The following CRIM1 variants were observed in gnomAD, a reference collection of about 807,000 sequenced individuals.
The protein encoded by CRIM1 is cysteine-rich motor neuron 1 protein.
In CRIM1, 32 loss-of-function variants were observed where a neutral mutation model predicts 116.4. The ratio of observed to expected loss-of-function variants is 0.27; its 90% CI spans 0.21 to 0.37. CRIM1 has a LOEUF of 0.37. Ranked by LOEUF, CRIM1 falls within the 10% of genes least tolerant of loss-of-function variation. CRIM1 has a pLI of 1.00. For missense variants in CRIM1, 1,331 were observed against 1,354.8 expected (o/e 0.98, Z 0.28); for synonymous variants, 590 against 509.2 (o/e 1.16, Z -2.13).
intron 1 of CRIM1, among the ~76,000 whole-genome samples, chr2:36,387,775 A>T (rs764713563): frequency 1.3e-5 from 2 of 152,258 alleles, no homozygotes; most frequent in Non-Finnish European, 2.9e-5. Flanking sequence ...ATGCTGTGTG[A>T]GACTACTCAT....
In CRIM1 at chr2:36,549,077, G is replaced by C. The variant is rs992821236; in HGVS notation, c.*376G>C. 1 of 158,204 alleles carries C rather than the reference G, an allele frequency of 6.3e-6. No homozygotes were observed. Among genetic ancestry groups the C allele is most frequent in the Non-Finnish European group, 1.4e-5 (1 of 71,788 alleles). 9.8% of individuals were successfully genotyped at this position (158,204 alleles called of 1,614,324 possible). On this transcript the variant is annotated 3_prime_UTR_variant, in exon 17 of 17. Coordinates refer to ENST00000280527, the MANE Select transcript of CRIM1 (RefSeq NM_016441.3). ...CGGGGAGAAACCTGGTAACATAAAA[G>C]CAGTTCAGTGGCCCAGAGGTTATTT...
chr2:36,452,902 G>A (rs1222307220), intron 4 of CRIM1, among the ~76,000 whole-genome samples: 3 of 152,124 alleles, frequency 2.0e-5, no homozygotes, highest in Non-Finnish European at 4.4e-5. Flanking sequence ...AGTTGAAAGC[G>A]GAATCCACAG....
intron 1 of CRIM1, among the ~76,000 whole-genome samples, chr2:36,363,402 A>G (rs565246049): frequency 6.6e-6 from 1 of 152,112 alleles, no homozygotes; most frequent in Admixed American, 6.6e-5. Flanking sequence ...TAAGTGAAAC[A>G]ATTTTACTTG....
At chr2:36,544,316 A>G in intron 14 of CRIM1, 60 bp from the exon 15 acceptor site, 7 of 1,304,804 alleles carry the variant, frequency 5.4e-6, no homozygotes, top group Non-Finnish European at 6.9e-6. Flanking sequence ...GATTGAGAAT[A>G]CAAAAGCCAA....
At chr2:36,456,733 G>A (rs955530114) in intron 4 of CRIM1, among the ~76,000 whole-genome samples, 12 of 152,124 alleles carry the variant, frequency 7.9e-5, no homozygotes, top group African/African-American at 2.4e-4. Flanking sequence ...ACAGGGGCAC[G>A]GGCCCTGCGA....
rs1339565653 is a variant in CRIM1, at chr2:36,537,530, C to T, written c.2607C>T (p.Cys869=). The T allele has an allele frequency of 3.1e-6, 5 of 1,611,240 alleles. No homozygotes were observed. Among genetic ancestry groups the T allele is most frequent in the Non-Finnish European group, 4.2e-6 (5 of 1,178,896 alleles). The change falls in exon 14 of 17, where the codon TGC becomes TGT. Residue 869 remains cysteine, a synonymous_variant. Coordinates refer to ENST00000280527, the MANE Select transcript of CRIM1 (RefSeq NM_016441.3). ...AGCCCATCAACGTGGAAGGAAGTTG[C>T]TGCCCAATGTGTCCAGGTATCTAAG... is the stretch of plus-strand genomic sequence containing the variant. ...CVEPINVEGS[C]CPMCPEMYVP... is the part of the protein sequence containing the mutation.
chr2:36,415,931 G>A (rs371108921), intron 2 of CRIM1, among the ~76,000 whole-genome samples: 11 of 152,330 alleles, frequency 7.2e-5, no homozygotes, highest in African/African-American at 2.4e-4. Flanking sequence ...ATTGGGGCTG[G>A]GCACAGTGGC....
intron 5 of CRIM1, among the ~76,000 whole-genome samples, chr2:36,471,619 T>A (rs1291740048): frequency 6.6e-6 from 1 of 152,130 alleles, no homozygotes; most frequent in African/African-American, 2.4e-5. Flanking sequence ...TAATAGACTA[T>A]AGCAGGGGTG....
chr2:36,488,125 T>C lies in CRIM1; in HGVS notation c.1372+8431T>C, dbSNP rs189698205. 2.2e-3 allele frequency among the ~76,000 whole-genome samples: 337 copies of C among 152,344 alleles called. 1 individual carries two copies. The highest frequency in any genetic ancestry group is 2.0e-3 in the Non-Finnish European group (137 of 68,038). ...TTGCTTAATATATGAGGGTTAGCAC[T>C]GAAGATAGTGAAAAATCCAGTGAGT... On this transcript the variant is annotated intron_variant, in intron 7 of 16. Transcript: ENST00000280527.
At chr2:36,363,587 G>A (rs1669387787) in intron 1 of CRIM1, among the ~76,000 whole-genome samples, 1 of 138,582 alleles carries the variant, frequency 7.2e-6, no homozygotes, top group South Asian at 2.3e-4. Flanking sequence ...TACAAAGTTT[G>A]TATATTTTGA....
chr2:36,429,412 A>G (rs1380424343), intron 2 of CRIM1, among the ~76,000 whole-genome samples: 1 of 151,622 alleles, frequency 6.6e-6, no homozygotes, highest in Non-Finnish European at 1.5e-5. Flanking sequence ...CCTCCATTGT[A>G]CTCCTCTCTG....
At chr2:36,542,568 T>C (rs926189535) in intron 14 of CRIM1, among the ~76,000 whole-genome samples, 1 of 152,238 alleles carries the variant, frequency 6.6e-6, no homozygotes, top group African/African-American at 2.4e-5. Flanking sequence ...AAACTTTTAC[T>C]ACTTAGCCAT....
At chr2:36,536,804 G>GA (rs3836074) in intron 13 of CRIM1, among the ~76,000 whole-genome samples, 20,280 of 151,876 alleles carry the variant, frequency 0.13, 2,096 homozygotes, top group East Asian at 0.27. Flanking sequence ...TTTTCTGGGG[G>GA]AAAAAAATGG....
chr2:36,534,849 C>T (rs1297691742), intron 13 of CRIM1, among the ~76,000 whole-genome samples: 1 of 152,026 alleles, frequency 6.6e-6, no homozygotes. Context: ...TGTCTGGTTT[C>T]TTTGTACGGT....
chr2:36,523,600 A>G (rs959991362), intron 13 of CRIM1, among the ~76,000 whole-genome samples: 4 of 152,240 alleles, frequency 2.6e-5, no homozygotes, highest in South Asian at 2.1e-4. Flanking sequence ...ATGAAAGACA[A>G]TGACACGTCT....
At chr2:36,405,540 G>A (rs1313536025) in intron 2 of CRIM1, among the ~76,000 whole-genome samples, 1 of 152,158 alleles carries the variant, frequency 6.6e-6, no homozygotes, top group Non-Finnish European at 1.5e-5. Flanking sequence ...ACTAGACTAG[G>A]GCTAGGGAAA....
At chr2:36,477,275 C>T (rs1446574887) in intron 6 of CRIM1, among the ~76,000 whole-genome samples, 1 of 152,162 alleles carries the variant, frequency 6.6e-6, no homozygotes, top group Non-Finnish European at 1.5e-5. Flanking sequence ...GGAAGCTATG[C>T]CTGGGTGTAG....
intron 1 of CRIM1, among the ~76,000 whole-genome samples, chr2:36,363,630 G>T (rs1669393634): frequency 6.8e-6 from 1 of 146,464 alleles, no homozygotes; most frequent in South Asian, 2.2e-4. Context: ...ATTTTGCATT[G>T]ATTTGTAGGA....
At chr2:36,504,081 C>G (rs1572884834) in intron 8 of CRIM1, among the ~76,000 whole-genome samples, 1 of 152,186 alleles carries the variant, frequency 6.6e-6, no homozygotes, top group East Asian at 1.9e-4. Flanking sequence ...GCCACATTGT[C>G]CAGGCAGGTC....
Sources: allele counts gnomAD v4.1 joint callset (sites outside exome capture counted in the v4.1 genomes callset), GRCh38; gene constraint gnomAD v4.1.1; transcripts MANE v1.5; gene names NCBI Gene and HGNC (gene_info 2026-07-23, HGNC 2026-07-21).